CNTN5: variants seen among roughly 807,000 people sequenced by gnomAD.
CNTN5 encodes contactin 5.
CNTN5 carries 77 observed loss-of-function variants against 129.1 expected under a neutral mutation model. The ratio of observed to expected loss-of-function variants is 0.60; its 90% CI spans 0.50 to 0.72. The LOEUF is 0.72. CNTN5 is among the 30% of genes least tolerant of loss of function. The probability of loss-of-function intolerance (pLI) is 0.00; values close to 1 mark genes in which losing one functional copy is unlikely to be tolerated. For missense variants in CNTN5, 1,478 were observed against 1,328.8 expected, an observed-to-expected ratio of 1.11 and a Z score of -1.75; for synonymous variants, 509 against 465.6, an observed-to-expected ratio of 1.09 and a Z score of -1.20.
chr11:99,122,616 G>T (rs1359422009), intron 1 of CNTN5, among the ~76,000 whole-genome samples: 1 of 151,980 alleles, frequency 6.6e-6, no homozygotes, highest in Admixed American at 6.6e-5. Flanking sequence ...TGTCACTGGG[G>T]TTTAGTATAC....
intron 3 of CNTN5, among the ~76,000 whole-genome samples, chr11:99,717,900 T>C (rs990983368): frequency 2.0e-5 from 3 of 152,110 alleles, no homozygotes; most frequent in Non-Finnish European, 2.9e-5. Context: ...GAGAAAGTGA[T>C]TTAAGTTGCA....
intron 2 of CNTN5, among the ~76,000 whole-genome samples, chr11:99,416,487 A>T (rs1942661657): frequency 6.6e-6 from 1 of 151,970 alleles, no homozygotes; most frequent in African/African-American, 2.4e-5. Flanking sequence ...GGTTCTCAGT[A>T]TGTTACCCAG....
chr11:99,714,533 T>TTG (rs1362479565), intron 3 of CNTN5, among the ~76,000 whole-genome samples: 1 of 151,970 alleles, frequency 6.6e-6, no homozygotes, highest in African/African-American at 2.4e-5. Flanking sequence ...TAATACTTAG[T>TTG]TGCTGCCTTC....
At chr11:99,731,570 A>G (rs1380613213) in intron 3 of CNTN5, among the ~76,000 whole-genome samples, 2 of 152,180 alleles carry the variant, frequency 1.3e-5, no homozygotes, top group Non-Finnish European at 2.9e-5. Context: ...GCAGTGCTAT[A>G]TCAGAAATAT....
intron 7 of CNTN5, among the ~76,000 whole-genome samples, chr11:99,923,068 A>T (rs1949976182): frequency 6.6e-6 from 1 of 152,220 alleles, no homozygotes; most frequent in Admixed American, 6.5e-5. Flanking sequence ...AATTATTCAG[A>T]AACAGCCCAC....
rs535929863 is a variant in CNTN5, at chr11:100,041,604, A to C, written c.981-19608A>C. 1.1e-4 allele frequency among the ~76,000 whole-genome samples: 16 copies of C among 152,374 alleles called. No individual in the cohort carries two copies. The South Asian group carries it at 2.7e-3, about 26-fold the overall frequency. ...AGGATTTTCTCTGGTTTGGAAGATA[A>C]GAAACACCTAGGCAAAAATGATATG... On this transcript the variant is annotated intron_variant, in intron 9 of 24. Transcript: ENST00000524871.
In CNTN5 at chr11:99,913,662, T is replaced by C. The variant is rs377096722; in HGVS notation, c.578-2392T>C. ...AACACAATTTAGGTCATAGTTATTCTATAATTTTCTTTTCTTTGTGTGTTT... is the reference window on the plus strand; with the variant it reads ...AACACAATTTAGGTCATAGTTATTCCATAATTTTCTTTTCTTTGTGTGTTT... On this transcript the variant is annotated intron_variant, in intron 6 of 24. Transcript: ENST00000524871. 5.3e-5 allele frequency among the ~76,000 whole-genome samples: 8 copies of C among 152,068 alleles called. No individual in the cohort carries two copies. The East Asian group carries it at 1.2e-3, about 22-fold the overall frequency.
chr11:100,264,079 T>A (rs1950254026), intron 17 of CNTN5, among the ~76,000 whole-genome samples: 2 of 151,752 alleles, frequency 1.3e-5, no homozygotes, highest in Admixed American at 1.3e-4. Flanking sequence ...CATATGTGTG[T>A]ATATATATAT....
intron 2 of CNTN5, among the ~76,000 whole-genome samples, chr11:99,500,587 T>C (rs181082175): frequency 6.3e-4 from 96 of 152,240 alleles, no homozygotes; most frequent in African/African-American, 2.2e-3. Flanking sequence ...TTCTATTTAA[T>C]GTCACCTAAA....
At chr11:99,755,951 T>C (rs533142709) in intron 3 of CNTN5, among the ~76,000 whole-genome samples, 50 of 152,242 alleles carry the variant, frequency 3.3e-4, no homozygotes, top group African/African-American at 1.0e-3. Flanking sequence ...GATTTTGTTT[T>C]AACTAATGTT....
At chr11:99,966,722 A>G (rs996133977) in intron 8 of CNTN5, among the ~76,000 whole-genome samples, 2 of 152,216 alleles carry the variant, frequency 1.3e-5, no homozygotes, top group African/African-American at 4.8e-5. Flanking sequence ...GTGAGCGTAG[A>G]TCATTTTCAC....
intron 6 of CNTN5, among the ~76,000 whole-genome samples, chr11:99,885,190 G>A (rs1400823128): frequency 6.6e-6 from 1 of 152,074 alleles, no homozygotes; most frequent in Non-Finnish European, 1.5e-5. Context: ...GCTCAGGTGG[G>A]AGAGCCGTTT....
At chr11:99,975,707 C>T (rs115847361) in intron 8 of CNTN5, among the ~76,000 whole-genome samples, 1 of 152,024 alleles carries the variant, frequency 6.6e-6, no homozygotes, top group Non-Finnish European at 1.5e-5. Flanking sequence ...TCTACCACCC[C>T]CCTGATCCAA....
At chr11:100,040,601 G>T in intron 9 of CNTN5, among the ~76,000 whole-genome samples, 1 of 152,232 alleles carries the variant, frequency 6.6e-6, no homozygotes, top group East Asian at 1.9e-4. Context: ...GCCTCCTTGA[G>T]CTGTGGTGGG....
intron 9 of CNTN5, among the ~76,000 whole-genome samples, chr11:100,054,363 C>T (rs1388208137): frequency 1.3e-5 from 2 of 151,724 alleles, no homozygotes; most frequent in Non-Finnish European, 3.0e-5. Context: ...TGACCAAGGT[C>T]CCACATTTTG....
chr11:99,574,960 T>G (rs1175052446), intron 3 of CNTN5, among the ~76,000 whole-genome samples: 3 of 152,106 alleles, frequency 2.0e-5, no homozygotes, highest in African/African-American at 7.2e-5. Context: ...TTTTGGGAAA[T>G]AGACTGGAAA....
At chr11:100,279,718 A>C (rs1950592275) in intron 18 of CNTN5, among the ~76,000 whole-genome samples, 1 of 151,348 alleles carries the variant, frequency 6.6e-6, no homozygotes, top group Admixed American at 6.6e-5. Context: ...AGTCTGGCTA[A>C]AGATTTGTTC....
At chr11:99,732,890 T>A (rs1943580585) in intron 3 of CNTN5, among the ~76,000 whole-genome samples, 1 of 152,132 alleles carries the variant, frequency 6.6e-6, no homozygotes, top group South Asian at 2.1e-4. Flanking sequence ...AAAACATGCA[T>A]GTATTAGATG....
At chr11:99,580,872 A>G (rs1384250076) in intron 3 of CNTN5, among the ~76,000 whole-genome samples, 1 of 137,456 alleles carries the variant, frequency 7.3e-6, no homozygotes, top group Non-Finnish European at 1.6e-5. Context: ...GCCTTCTGCT[A>G]GCTTTTGAAT....
Sources: allele counts gnomAD v4.1 joint callset (sites outside exome capture counted in the v4.1 genomes callset), GRCh38; gene constraint gnomAD v4.1.1; transcripts MANE v1.5; gene names NCBI Gene and HGNC (gene_info 2026-07-23, HGNC 2026-07-21).